Variants in DMD observed in about 807,000 individuals in gnomAD.
DMD encodes the protein mutant dystrophin.
DMD carries 63 observed loss-of-function variants against 330.1 expected under a neutral mutation model. The observed-to-expected ratio is 0.19, with a 90% confidence interval of 0.16 to 0.24. The LOEUF is 0.24. Among genes scored for constraint, DMD ranks in the 10% least tolerant of loss-of-function variants. DMD has a pLI of 1.00. For synonymous variants in DMD, 1,223 were observed against 959.8 expected (o/e 1.27, Z -5.07); for missense variants, 3,344 against 2,684.1 (o/e 1.25, Z -5.43).
At chrX:32,234,492 T>C (rs2097180474) in intron 43 of DMD, among the ~76,000 whole-genome samples, 1 of 111,735 alleles carries the variant, frequency 8.9e-6, no homozygotes, top group Non-Finnish European at 1.9e-5. Context: ...AGAGATCTGA[T>C]TCAACTGATT....
intron 29 of DMD, among the ~76,000 whole-genome samples, chrX:32,437,846 T>C (rs1427621311): frequency 8.9e-6 from 1 of 112,234 alleles, no homozygotes; most frequent in Non-Finnish European, 1.9e-5. Flanking sequence ...ATAAATAATA[T>C]GGGGTACTAA....
chrX:32,517,552 G>A (rs2045972907), intron 18 of DMD: 1 of 122,141 alleles, frequency 8.2e-6, no homozygotes, highest in Admixed American at 8.5e-5. Context: ...ATATGACAGG[G>A]ATTGATGACT....
chrX:32,528,235 G>C (rs1192973005), intron 17 of DMD, among the ~76,000 whole-genome samples: 1 of 110,760 alleles, frequency 9.0e-6, no homozygotes, highest in African/African-American at 3.3e-5. Context: ...CTTGAACCAG[G>C]GAGGCAGAAG....
At chrX:32,585,234 TTAGA>T (rs2054097475) in intron 13 of DMD, among the ~76,000 whole-genome samples, 1 of 111,194 alleles carries the variant, frequency 9.0e-6, no homozygotes, top group African/African-American at 3.3e-5. Context: ...GTACATACGC[TTAGA>T]TAGAAGGAAT....
chrX:31,771,226 C>T (rs1009007294), intron 51 of DMD, among the ~76,000 whole-genome samples: 2 of 109,900 alleles, frequency 1.8e-5, no homozygotes, highest in Non-Finnish European at 3.8e-5. Flanking sequence ...GCCATTTTAC[C>T]GACAATTTGG....
At chrX:32,362,154 A>C (rs2097838550) in intron 37 of DMD, among the ~76,000 whole-genome samples, 1 of 111,866 alleles carries the variant, frequency 8.9e-6, no homozygotes, top group Admixed American at 9.6e-5. Context: ...AATTACAAAA[A>C]TTAGGATATG....
intron 1 of DMD, among the ~76,000 whole-genome samples, chrX:33,273,260 A>T (rs956392437): frequency 8.9e-6 from 1 of 112,273 alleles, no homozygotes; most frequent in African/African-American, 3.2e-5. Flanking sequence ...ATAATCTCTG[A>T]ATGATGCATT....
chrX:31,444,988 G>A (rs2065179417), intron 59 of DMD, among the ~76,000 whole-genome samples: 2 of 111,193 alleles, frequency 1.8e-5, no homozygotes, highest in African/African-American at 6.5e-5. Context: ...AAATCTGCTG[G>A]TATTTTGATC....
intron 1 of DMD, among the ~76,000 whole-genome samples, chrX:33,234,888 A>G (rs1283107485): frequency 8.9e-6 from 1 of 111,761 alleles, no homozygotes; most frequent in Non-Finnish European, 1.9e-5. Flanking sequence ...CTGTTCGCTA[A>G]GCTTGTCACC....
chrX:32,362,337 G>C (rs1013313337), intron 37 of DMD, among the ~76,000 whole-genome samples: 2 of 111,665 alleles, frequency 1.8e-5, no homozygotes, highest in African/African-American at 3.3e-5. Context: ...CCTCATTTTG[G>C]ATATTTGATC....
chrX:31,206,720 A>G (rs2044108849), intron 65 of DMD, 53 bp from the exon 66 acceptor site: 4 of 982,496 alleles, frequency 4.1e-6, no homozygotes, highest in Non-Finnish European at 5.8e-6. Context: ...CCTAGAGGGT[A>G]AACACTTCTA....
At chrX:32,031,662 T>C (rs1039448314) in intron 44 of DMD, among the ~76,000 whole-genome samples, 2 of 112,203 alleles carry the variant, frequency 1.8e-5, no homozygotes. Context: ...CATGTAGTAA[T>C]ATTCATTCAC....
intron 74 of DMD, among the ~76,000 whole-genome samples, chrX:31,166,664 G>A (rs184413320): frequency 5.4e-5 from 6 of 111,290 alleles, no homozygotes; most frequent in East Asian, 5.7e-4. Context: ...CAAGGGTAGC[G>A]AAGGCAAATC....
chrX:32,435,247 T>C (rs1201411664), intron 29 of DMD, among the ~76,000 whole-genome samples: 1 of 96,957 alleles, frequency 1.0e-5, no homozygotes, highest in Non-Finnish European at 2.1e-5. Flanking sequence ...TTTTTAAATA[T>C]ATATTTACAT....
chrX:31,621,030 C>T (rs1049105549), intron 55 of DMD, among the ~76,000 whole-genome samples: 2 of 111,674 alleles, frequency 1.8e-5, no homozygotes, highest in Non-Finnish European at 3.8e-5. Context: ...ACAACTGCTT[C>T]AAGAGAGGTA....
At chrX:32,570,157 A>C (rs1475083908) in intron 15 of DMD, among the ~76,000 whole-genome samples, 1 of 111,790 alleles carries the variant, frequency 8.9e-6, no homozygotes, top group Non-Finnish European at 1.9e-5. Flanking sequence ...TTTGAAACAA[A>C]TTACACTTAT....
intron 2 of DMD, among the ~76,000 whole-genome samples, chrX:33,002,850 G>GAA (rs145168802): frequency 1.0e-3 from 39 of 38,735 alleles, no homozygotes; most frequent in Admixed American, 1.3e-3. Flanking sequence ...TTTTTTTCTC[G>GAA]AAAAAAAAAA....
At chrX:32,348,647 A>G in intron 37 of DMD, 119 bp from the exon 38 acceptor site, 1 of 671,936 alleles carries the variant, frequency 1.5e-6, no homozygotes, top group Non-Finnish European at 2.2e-6. Flanking sequence ...TTATGTTTCC[A>G]TATTATGTTT....
chrX:32,028,186 C>T (rs1053127407), intron 44 of DMD, among the ~76,000 whole-genome samples: 1 of 111,114 alleles, frequency 9.0e-6, no homozygotes, highest in Admixed American at 9.6e-5. Context: ...AATGAACGTG[C>T]CTTACTCGAG....
Sources: allele counts gnomAD v4.1 joint callset (sites outside exome capture counted in the v4.1 genomes callset), GRCh38; gene constraint gnomAD v4.1.1; transcripts MANE v1.5; gene names NCBI Gene and HGNC (gene_info 2026-07-23, HGNC 2026-07-21).